The following UBE2F variants were observed in gnomAD, a reference collection of about 807,000 sequenced individuals.
UBE2F encodes the protein NEDD8-conjugating enzyme UBE2F.
UBE2F carries 5 observed loss-of-function variants against 29.6 expected under a neutral mutation model. The observed-to-expected ratio is 0.17, with a 90% confidence interval of 0.09 to 0.36. The LOEUF is 0.36. UBE2F is among the 10% of genes least tolerant of loss of function. UBE2F has a pLI of 1.00. For synonymous variants in UBE2F, 66 were observed against 81.8 expected (o/e 0.81, Z 1.04); for missense variants, 141 against 228.5 (o/e 0.62, Z 2.47).
At chr2:238,021,491 G>C (rs2064291245) in intron 5 of UBE2F, among the ~76,000 whole-genome samples, 1 of 152,154 alleles carries the variant, frequency 6.6e-6, no homozygotes, top group African/African-American at 2.4e-5. Context: ...CATACCAATG[G>C]GGCGATGCTA....
intron 4 of UBE2F, among the ~76,000 whole-genome samples, chr2:238,002,406 T>G (rs959874724): frequency 1.3e-5 from 2 of 152,198 alleles, no homozygotes; most frequent in Non-Finnish European, 2.9e-5. Context: ...TCTCCCAATT[T>G]TTATATTTTT....
chr2:237,999,041 A>G (rs1315616611), intron 4 of UBE2F, among the ~76,000 whole-genome samples: 1 of 151,990 alleles, frequency 6.6e-6, no homozygotes, highest in African/African-American at 2.4e-5. Context: ...CTCATTTTTA[A>G]AAATGCTGTC....
intron 4 of UBE2F, among the ~76,000 whole-genome samples, chr2:238,005,989 A>C (rs1246425158): frequency 6.6e-6 from 1 of 152,204 alleles, no homozygotes; most frequent in Non-Finnish European, 1.5e-5. Context: ...CTCTAATGTA[A>C]ATCAATTTGG....
chr2:238,006,957 T>C (rs2063921595), intron 4 of UBE2F, among the ~76,000 whole-genome samples: 1 of 152,102 alleles, frequency 6.6e-6, no homozygotes, highest in Non-Finnish European at 1.5e-5. Flanking sequence ...GGTTTCACCA[T>C]GTTGGTCAGG....
At chr2:237,976,787 G>A (rs1271246898) in intron 2 of UBE2F, among the ~76,000 whole-genome samples, 1 of 152,136 alleles carries the variant, frequency 6.6e-6, no homozygotes, top group Non-Finnish European at 1.5e-5. Context: ...GCCATAGTAG[G>A]CACTTAATGG....
intron 4 of UBE2F, 106 bp from the exon 5 acceptor site, chr2:238,016,460 C>G (rs1327974670): frequency 1.0e-6 from 1 of 954,670 alleles, no homozygotes; most frequent in African/African-American, 1.7e-5. Context: ...TGTTTTTAAA[C>G]TCCTGATTCT....
intron 9 of UBE2F, 139 bp from the exon 10 acceptor site, chr2:238,041,149 A>G (rs1035203180): frequency 2.6e-6 from 2 of 759,104 alleles, no homozygotes; most frequent in African/African-American, 1.7e-5. Context: ...AGACTCCGCA[A>G]GGTCCCAGTC....
chr2:238,023,838 G>A (rs372823055), intron 5 of UBE2F, among the ~76,000 whole-genome samples: 3 of 152,176 alleles, frequency 2.0e-5, no homozygotes, highest in African/African-American at 7.2e-5. Flanking sequence ...CACATCTTCT[G>A]AAGGACATGA....
intron 5 of UBE2F, among the ~76,000 whole-genome samples, chr2:238,017,508 G>A (rs2064185861): frequency 6.6e-6 from 1 of 152,138 alleles, no homozygotes; most frequent in Non-Finnish European, 1.5e-5. Flanking sequence ...AGATGTGGGG[G>A]TTTGGTTGGG....
rs532309477 is a variant in UBE2F, at chr2:238,011,316, C to T, written c.215-5250C>T. On this transcript the variant is annotated intron_variant, in intron 4 of 9. Coordinates refer to ENST00000272930, the MANE Select transcript of UBE2F (RefSeq NM_080678.3). The stretch of plus-strand genomic sequence containing the variant: ...GAACATACTAGGCCTCTTACCGTAC[C>T]CACCCTGTTTCATCTGCCTGGAGTG... Among the ~76,000 whole-genome samples the T allele has an allele frequency of 3.3e-5, 5 of 152,298 alleles. No homozygotes were observed. In the South Asian group the frequency reaches 1.0e-3, roughly 32 times the overall value.
intron 4 of UBE2F, among the ~76,000 whole-genome samples, chr2:237,998,272 A>G (rs1366901500): frequency 6.6e-6 from 1 of 152,224 alleles, no homozygotes; most frequent in East Asian, 1.9e-4. Flanking sequence ...CATTTCCATC[A>G]TTCCCAAAGT....
At chr2:238,003,768 G>A (rs1025298155) in intron 4 of UBE2F, among the ~76,000 whole-genome samples, 2 of 152,096 alleles carry the variant, frequency 1.3e-5, no homozygotes, top group African/African-American at 4.8e-5. Context: ...TGTTTAGTGG[G>A]CTATAATTTA....
chr2:238,011,062 A>G (rs2064013863), intron 4 of UBE2F, among the ~76,000 whole-genome samples: 2 of 152,012 alleles, frequency 1.3e-5, no homozygotes, highest in Admixed American at 6.6e-5. Flanking sequence ...TCTCACCTGG[A>G]TGATTACAAC....
intron 3 of UBE2F, among the ~76,000 whole-genome samples, chr2:237,991,185 T>A (rs1195849300): frequency 6.6e-6 from 1 of 152,218 alleles, no homozygotes; most frequent in Non-Finnish European, 1.5e-5. Flanking sequence ...TCTTTCTCCC[T>A]ACCTTCTCTC....
Position 237,980,711 on chromosome 2 carries a change from C to T in UBE2F, c.119-7252C>T, listed in dbSNP as rs189824905. On this transcript the variant is annotated intron_variant, in intron 2 of 9. Coordinates refer to ENST00000272930, the MANE Select transcript of UBE2F (RefSeq NM_080678.3). ...AAACTCATAGCAGGGGCACTGCCAC[C>T]CTGTAGGCAAGTATGCTTATGTGTC... 3.8e-3 allele frequency among the ~76,000 whole-genome samples: 575 copies of T among 152,276 alleles called. 1 individual carries two copies. The highest frequency in any genetic ancestry group is 6.0e-3 in the Admixed American group (91 of 15,288).
intron 3 of UBE2F, among the ~76,000 whole-genome samples, chr2:237,992,068 G>A (rs1020535473): frequency 1.3e-5 from 2 of 151,986 alleles, no homozygotes; most frequent in Non-Finnish European, 2.9e-5. Flanking sequence ...GTTTTACCAT[G>A]TTGGCCAGGC....
chr2:238,029,544 C>G (rs1205422498), intron 6 of UBE2F, among the ~76,000 whole-genome samples: 2 of 150,282 alleles, frequency 1.3e-5, no homozygotes, highest in African/African-American at 4.9e-5. Flanking sequence ...TACAGTGAGC[C>G]GAGATCGTGC....
chr2:237,977,958 A>G (rs1290688012), intron 2 of UBE2F, among the ~76,000 whole-genome samples: 2 of 151,978 alleles, frequency 1.3e-5, no homozygotes, highest in South Asian at 2.1e-4. Context: ...ACTAAGGGGT[A>G]CCTTTGGGAC....
intron 3 of UBE2F, among the ~76,000 whole-genome samples, chr2:237,989,477 C>T (rs532697204): frequency 6.6e-6 from 1 of 152,168 alleles, no homozygotes; most frequent in South Asian, 2.1e-4. Context: ...CTCAGCCTCC[C>T]GAGTAGCTGG....
Sources: allele counts gnomAD v4.1 joint callset (sites outside exome capture counted in the v4.1 genomes callset), GRCh38; gene constraint gnomAD v4.1.1; transcripts MANE v1.5; gene names NCBI Gene and HGNC (gene_info 2026-07-23, HGNC 2026-07-21).